Variants in MYO3B observed in about 807,000 individuals in gnomAD.
The protein encoded by MYO3B is myosin IIIB, also known as myosin-IIIb.
Under a neutral mutation model 174.6 loss-of-function variants are expected in MYO3B, and 156 were observed. That is an observed-to-expected ratio of 0.89 (90% CI 0.78 to 1.02). The LOEUF is 1.02. Ranked by LOEUF, MYO3B falls within the 50% of genes least tolerant of loss-of-function variation. The probability of loss-of-function intolerance (pLI) is 0.00; values close to 1 mark genes in which losing one functional copy is unlikely to be tolerated. For synonymous variants in MYO3B, 563 were observed against 569.1 expected (o/e 0.99, Z 0.15); for missense variants, 1,632 against 1,639.4 (o/e 1.00, Z 0.08).
intron 7 of MYO3B, among the ~76,000 whole-genome samples, chr2:170,242,406 C>T (rs1221669190): frequency 1.3e-5 from 2 of 152,158 alleles, no homozygotes; most frequent in African/African-American, 4.8e-5. Context: ...GGGCCCAGGA[C>T]TTGACACTCC....
intron 30 of MYO3B, among the ~76,000 whole-genome samples, chr2:170,534,711 A>G (rs1689574880): frequency 6.6e-6 from 1 of 152,234 alleles, no homozygotes; most frequent in African/African-American, 2.4e-5. Context: ...AAGTGCTAGG[A>G]GTACAGGCAT....
At position 170,254,550 on chromosome 2, in the gene MYO3B, G is replaced by A. The variant is rs535698468; in HGVS notation, c.749+18414G>A. On this transcript the variant is annotated intron_variant, in intron 7 of 34. Transcript: ENST00000408978. The stretch of plus-strand genomic sequence containing the variant: ...AGAGCCACCACTGTCCTACCTGCGT[G>A]TTTTGCTAGTGGACTGGGAGCAGTT... Among the ~76,000 whole-genome samples, 5 of 152,306 alleles carry A rather than the reference G, an allele frequency of 3.3e-5. 1 individual carries two copies. In the South Asian group the frequency reaches 1.0e-3, roughly 32 times the overall value.
chr2:170,455,200 G>C (rs1272354160), intron 23 of MYO3B, among the ~76,000 whole-genome samples: 1 of 152,216 alleles, frequency 6.6e-6, no homozygotes, highest in African/African-American at 2.4e-5. Context: ...TAGTCCCCAG[G>C]AAGGAAGGGG....
intron 7 of MYO3B, among the ~76,000 whole-genome samples, chr2:170,293,854 G>T (rs926154000): frequency 4.0e-4 from 61 of 151,952 alleles, no homozygotes; most frequent in Non-Finnish European, 1.2e-4. Context: ...TTCTGCATGA[G>T]CTTTTCTCTG....
At chr2:170,406,786 A>G (rs11885105) in intron 21 of MYO3B, among the ~76,000 whole-genome samples, 62,617 of 151,934 alleles carry the variant, frequency 0.41, 13,315 homozygotes, top group Middle Eastern at 0.51. Context: ...TGCCATTCAA[A>G]GCTTATTTGT....
intron 32 of MYO3B, among the ~76,000 whole-genome samples, chr2:170,573,828 C>T (rs1692615592): frequency 6.6e-6 from 1 of 152,104 alleles, no homozygotes; most frequent in Non-Finnish European, 1.5e-5. Context: ...ATCAATCAAC[C>T]ATAGTTGCCT....
In MYO3B at chr2:170,398,435, T is replaced by C. The variant is rs1294005001; in HGVS notation, c.1792-1753T>C. On this transcript the variant is annotated intron_variant, in intron 16 of 34. Transcript: ENST00000408978. ...CGGAGGTTCCATTATATTCACATGA[T>C]TGGTTAATCATTGACCATTAGTGAT... 3.3e-5 allele frequency among the ~76,000 whole-genome samples: 5 copies of C among 152,218 alleles called. No individual in the cohort carries two copies. In the South Asian group the frequency reaches 8.3e-4, roughly 25 times the overall value.
In MYO3B at chr2:170,654,981, C is replaced by T. The variant is rs192903444; in HGVS notation, c.*1860C>T. On this transcript the variant is annotated 3_prime_UTR_variant, in exon 35 of 35. Transcript: ENST00000408978. ...AATTTTTTATGTTACTGTTAATATA[C>T]GAGTGCTTTTGGAAGTTTCACTTTT... The T allele has an allele frequency of 6.6e-4, 101 of 152,110 alleles. No individual in the cohort carries two copies. Among genetic ancestry groups the T allele is most frequent in the African/African-American group, 2.2e-3 (90 of 41,514 alleles). The allele number at this position is 152,110 out of a possible 1,614,324, so 9.4% of individuals were successfully genotyped here.
intron 32 of MYO3B, among the ~76,000 whole-genome samples, chr2:170,592,647 C>G (rs1391072085): frequency 6.6e-6 from 1 of 152,142 alleles, no homozygotes; most frequent in African/African-American, 2.4e-5. Flanking sequence ...TTCATCTGTC[C>G]CCTTCACTGA....
intron 32 of MYO3B, among the ~76,000 whole-genome samples, chr2:170,616,425 G>T (rs533856215): frequency 2.0e-5 from 3 of 152,152 alleles, no homozygotes; most frequent in Admixed American, 1.3e-4. Context: ...ATCACATCAC[G>T]TGCAGTTGGC....
At chr2:170,290,260 T>A (rs1481329469) in intron 7 of MYO3B, among the ~76,000 whole-genome samples, 3 of 152,222 alleles carry the variant, frequency 2.0e-5, no homozygotes, top group Non-Finnish European at 2.9e-5. Context: ...GATCTTTACA[T>A]TACTGAGAAT....
At chr2:170,208,366 A>G (rs1278104998) in intron 3 of MYO3B, among the ~76,000 whole-genome samples, 1 of 152,190 alleles carries the variant, frequency 6.6e-6, no homozygotes, top group South Asian at 2.1e-4. Context: ...ACTGGTGGCT[A>G]TAGTTATGCT....
At chr2:170,576,534 T>C (rs1050378291) in intron 32 of MYO3B, among the ~76,000 whole-genome samples, 7 of 152,232 alleles carry the variant, frequency 4.6e-5, no homozygotes, top group African/African-American at 1.7e-4. Flanking sequence ...GAGAGTCATA[T>C]GGCAAAGAAG....
At chr2:170,643,438 T>C (rs140338419) in intron 32 of MYO3B, among the ~76,000 whole-genome samples, 189 of 152,300 alleles carry the variant, frequency 1.2e-3, no homozygotes, top group Middle Eastern at 0.01. Flanking sequence ...TATTGTCACC[T>C]GCAAATGCCC....
chr2:170,374,378 G>T (rs2094272841), intron 9 of MYO3B, among the ~76,000 whole-genome samples: 1 of 152,154 alleles, frequency 6.6e-6, no homozygotes, highest in Admixed American at 6.6e-5. Context: ...TCAGTGAGGG[G>T]ATGATGAGAA....
chr2:170,531,569 G>T (rs1275994762), intron 30 of MYO3B, among the ~76,000 whole-genome samples: 1 of 152,114 alleles, frequency 6.6e-6, no homozygotes, highest in Non-Finnish European at 1.5e-5. Context: ...TGCATAAAAA[G>T]CACTCACAAA....
intron 3 of MYO3B, among the ~76,000 whole-genome samples, chr2:170,207,677 AG>A (rs1218380741): frequency 7.6e-6 from 1 of 132,326 alleles, no homozygotes; most frequent in Non-Finnish European, 1.5e-5. Flanking sequence ...AAAAAAAAAA[AG>A]GCTTTTTTTT....
chr2:170,309,988 A>G (rs1398675546), intron 7 of MYO3B, among the ~76,000 whole-genome samples: 3 of 152,158 alleles, frequency 2.0e-5, no homozygotes, highest in Non-Finnish European at 4.4e-5. Flanking sequence ...CCTATTCTGG[A>G]TATCTTATAT....
intron 8 of MYO3B, among the ~76,000 whole-genome samples, chr2:170,347,287 TG>T (rs1467543084): frequency 6.6e-6 from 1 of 152,156 alleles, no homozygotes; most frequent in Non-Finnish European, 1.5e-5. Context: ...ACTACTCAGA[TG>T]GGAAGCTGAG....
Sources: allele counts gnomAD v4.1 joint callset (sites outside exome capture counted in the v4.1 genomes callset), GRCh38; gene constraint gnomAD v4.1.1; transcripts MANE v1.5; gene names NCBI Gene and HGNC (gene_info 2026-07-23, HGNC 2026-07-21).